CADPS: variants seen among roughly 807,000 people sequenced by gnomAD.
CADPS encodes calcium-dependent secretion activator 1.
A neutral mutation model predicts 167.3 loss-of-function variants in CADPS; 57 were observed. The ratio of observed to expected loss-of-function variants is 0.34; its 90% confidence interval spans 0.28 to 0.42. CADPS has a LOEUF of 0.42. Among genes scored for constraint, CADPS ranks in the 20% least tolerant of loss-of-function variants. The pLI is 1.00. For missense variants in CADPS, 1,414 were observed against 1,738.1 expected, an observed-to-expected ratio of 0.81 and a Z score of 3.32; for synonymous variants, 676 against 635.3, an observed-to-expected ratio of 1.06 and a Z score of -0.96.
At chr3:62,448,780 AT>A (rs2057610033) in intron 26 of CADPS, among the ~76,000 whole-genome samples, 2 of 151,746 alleles carry the variant, frequency 1.3e-5, no homozygotes, top group Non-Finnish European at 2.9e-5. Flanking sequence ...CACCCAGCTA[AT>A]TTTTGTATTT....
intron 1 of CADPS, among the ~76,000 whole-genome samples, chr3:62,815,628 C>G (rs2094577658): frequency 6.6e-6 from 1 of 152,168 alleles, no homozygotes; most frequent in Non-Finnish European, 1.5e-5. Flanking sequence ...ATCATACACT[C>G]CTGCCCCATG....
intron 11 of CADPS, among the ~76,000 whole-genome samples, chr3:62,537,868 T>C (rs942745274): frequency 1.3e-5 from 2 of 152,046 alleles, no homozygotes; most frequent in African/African-American, 4.8e-5. Flanking sequence ...AAATCCATGG[T>C]ATGGTCAGAT....
chr3:62,492,541 A>G, intron 19 of CADPS, 95 bp from the exon 20 acceptor site: 1 of 1,177,400 alleles, frequency 8.5e-7, no homozygotes, highest in Non-Finnish European at 1.2e-6. Context: ...TTCAAAATTA[A>G]TGGTGCATCC....
intron 20 of CADPS, 77 bp from the exon 21 acceptor site, chr3:62,491,557 AAACACACACACAC>A: frequency 2.2e-6 from 2 of 911,814 alleles, no homozygotes; most frequent in South Asian, 3.1e-5. Context: ...ACACACACAC[AAACACACACACAC>A]ACACACACAC....
intron 1 of CADPS, among the ~76,000 whole-genome samples, chr3:62,865,003 T>C (rs1021842635): frequency 6.6e-5 from 10 of 152,162 alleles, no homozygotes; most frequent in Admixed American, 1.3e-4. Flanking sequence ...TGTCTGATGA[T>C]GTATAACAAA....
chr3:62,764,238 C>G (rs1232737640), intron 2 of CADPS, among the ~76,000 whole-genome samples: 1 of 152,134 alleles, frequency 6.6e-6, no homozygotes, highest in East Asian at 1.9e-4. Flanking sequence ...CAGGCAGTTT[C>G]TAAACAAAAC....
intron 28 of CADPS, among the ~76,000 whole-genome samples, chr3:62,418,039 C>A (rs1392053115): frequency 6.6e-6 from 1 of 151,892 alleles, no homozygotes; most frequent in East Asian, 1.9e-4. Context: ...ATTTAGTGAG[C>A]ACTTATTATA....
intron 3 of CADPS, among the ~76,000 whole-genome samples, chr3:62,674,145 G>A (rs1225248230): frequency 6.6e-6 from 1 of 152,160 alleles, no homozygotes; most frequent in Non-Finnish European, 1.5e-5. Context: ...TGTGAGTGGT[G>A]TGTATATATG....
chr3:62,795,911 CA>C (rs1303226933), intron 1 of CADPS, among the ~76,000 whole-genome samples: 2 of 152,132 alleles, frequency 1.3e-5, no homozygotes, highest in African/African-American at 4.8e-5. Flanking sequence ...GTGGAGGGAA[CA>C]ACATCAACAG....
intron 13 of CADPS, chr3:62,530,922 G>GA: frequency 2.5e-6 from 1 of 397,492 alleles, no homozygotes; most frequent in Non-Finnish European, 3.5e-6. Flanking sequence ...AAGGGTGCAT[G>GA]AAAAAGCAGG....
chr3:62,711,001 T>G lies in CADPS; in HGVS notation c.888+42440A>C, dbSNP rs1404722043. ...TGCCCCTCCCCCAGAAGCCAGTCAC[T>G]GTTGCTTCTGTAACAGGAAAGCAAA... On this transcript the variant is annotated intron_variant, in intron 3 of 29. Coordinates refer to ENST00000383710, the MANE Select transcript of CADPS (RefSeq NM_003716.4). 2.0e-4 allele frequency among the ~76,000 whole-genome samples: 31 copies of G among 152,186 alleles called. 1 individual carries two copies. Among genetic ancestry groups the G allele is most frequent in the Admixed American group, 2.0e-3 (31 of 15,274 alleles).
chr3:62,797,641 A>T (rs2093512714), intron 1 of CADPS, among the ~76,000 whole-genome samples: 3 of 152,070 alleles, frequency 2.0e-5, no homozygotes, highest in Admixed American at 2.0e-4. Context: ...ATAGAGAAGA[A>T]CAACACACAA....
chr3:62,775,465 A>G (rs1043674568), intron 1 of CADPS, among the ~76,000 whole-genome samples: 1 of 152,222 alleles, frequency 6.6e-6, no homozygotes, highest in African/African-American at 2.4e-5. Flanking sequence ...TACATAAAAA[A>G]TCATATGACT....
chr3:62,713,409 G>C (rs1265788937), intron 3 of CADPS, among the ~76,000 whole-genome samples: 2 of 152,168 alleles, frequency 1.3e-5, no homozygotes, highest in African/African-American at 4.8e-5. Flanking sequence ...CCAAGGCCTT[G>C]TCAATTTACC....
intron 13 of CADPS, among the ~76,000 whole-genome samples, chr3:62,518,864 G>T (rs573728653): frequency 1.3e-5 from 2 of 152,146 alleles, no homozygotes; most frequent in South Asian, 4.2e-4. Context: ...TATAACTACC[G>T]ATGTTCAGAT....
At chr3:62,533,776 C>T (rs1201424139) in intron 12 of CADPS, among the ~76,000 whole-genome samples, 8 of 151,980 alleles carry the variant, frequency 5.3e-5, no homozygotes, top group Admixed American at 6.6e-5. Flanking sequence ...AAGGTAATAA[C>T]GCAACTCTCC....
At chr3:62,522,751 G>T (rs554117073) in intron 13 of CADPS, among the ~76,000 whole-genome samples, 1 of 152,078 alleles carries the variant, frequency 6.6e-6, no homozygotes, top group Non-Finnish European at 1.5e-5. Flanking sequence ...ATACACATGC[G>T]AACATAGCCC....
rs28854775 is a variant in CADPS at position 62,851,893 on chromosome 3, G to A, written c.441+22696C>T. On this transcript the variant is annotated intron_variant, in intron 1 of 29. Transcript: ENST00000383710. ...GTTTTCCAACTTGGTTCCATTCTCC[G>A]CATCACTTTCAGGTACACAAATCAG... Among the ~76,000 whole-genome samples the A allele has an allele frequency of 4.9e-3, 743 of 150,474 alleles. 12 individuals carry two copies. Among genetic ancestry groups the A allele is most frequent in the African/African-American group, 0.017 (689 of 40,614 alleles).
At chr3:62,551,668 A>G (rs1480903939) in intron 10 of CADPS, among the ~76,000 whole-genome samples, 3 of 148,928 alleles carry the variant, frequency 2.0e-5, no homozygotes, top group Admixed American at 1.3e-4. Flanking sequence ...CTCTCCTAAT[A>G]CTCTCTCTCT....
Sources: gnomAD v4.1 joint callset for allele counts (sites outside exome capture counted in the v4.1 genomes callset) on GRCh38, gnomAD v4.1.1 for gene constraint, MANE v1.5 for transcripts, NCBI Gene and HGNC (gene_info 2026-07-23, HGNC 2026-07-21) for gene names.